Variants in PCLO observed in about 807,000 individuals in gnomAD.
PCLO encodes piccolo presynaptic cytomatrix protein, also known as protein piccolo.
Under a neutral mutation model 427.5 loss-of-function variants are expected in PCLO, and 82 were observed. The observed-to-expected ratio is 0.19, with a 90% CI of 0.16 to 0.23. The LOEUF (loss-of-function observed/expected upper bound fraction) is 0.23, where lower values mean the gene tolerates loss of function less well. Among genes scored for constraint, PCLO ranks in the 10% least tolerant of loss-of-function variants. The pLI, the probability that PCLO is intolerant of heterozygous loss-of-function variation, is 1.00. For missense variants in PCLO, 6,239 were observed against 6,115.9 expected (o/e 1.02, Z -0.67); for synonymous variants, 2,357 against 2,155.4 (o/e 1.09, Z -2.59).
chr7:83,082,250 TATA>T (rs1395695136), intron 3 of PCLO, among the ~76,000 whole-genome samples: 1 of 151,592 alleles, frequency 6.6e-6, no homozygotes, highest in African/African-American at 2.4e-5. Flanking sequence ...ATTTTTGACT[TATA>T]ATACTTATAT....
chr7:83,155,556 G>A lies in PCLO; in HGVS notation c.1085C>T (p.Pro362Leu), dbSNP rs748013490. 9.3e-6 allele frequency: 15 copies of A among 1,613,132 alleles called. No individual in the cohort carries two copies. Among genetic ancestry groups the A allele is most frequent in the Non-Finnish European group, 1.2e-5 (14 of 1,179,510 alleles). Residue 362 changes from proline (P) to leucine (L), a missense_variant, in exon 2 of 25, where the codon CCA becomes CTA. By Grantham distance (98) the Pro-to-Leu change is moderately conservative. Around this residue, in one of 5 missense-constraint regions of PCLO, gnomAD observed 4,677 missense variants for 4,468.4 expected, o/e 1.05. Coordinates refer to ENST00000333891, the MANE Select transcript of PCLO (RefSeq NM_033026.6). ...PVQPPGTTKP[P>L]AQPLGPAKPP... ...CTTAGCAGGACCAAGAGGCTGAGCTGGAGGCTTTGTTGTCCCTGGTGGCTG... is the reference window on the plus strand; with the variant it reads ...CTTAGCAGGACCAAGAGGCTGAGCTAGAGGCTTTGTTGTCCCTGGTGGCTG...
At chr7:82,880,133 A>C (rs183927342) in intron 9 of PCLO, among the ~76,000 whole-genome samples, 1 of 152,244 alleles carries the variant, frequency 6.6e-6, no homozygotes, top group East Asian at 1.9e-4. Flanking sequence ...GATAAATATA[A>C]GTGTTTATAT....
chr7:82,985,857 AGAGAT>A (rs143203796), intron 3 of PCLO, among the ~76,000 whole-genome samples: 4,279 of 152,052 alleles, frequency 0.028, 197 homozygotes, highest in African/African-American at 0.097. Context: ...AATTAAAATT[AGAGAT>A]AATACTGTTG....
intron 20 of PCLO, among the ~76,000 whole-genome samples, chr7:82,815,339 G>T (rs537893964): frequency 6.6e-6 from 1 of 151,944 alleles, no homozygotes; most frequent in East Asian, 1.9e-4. Context: ...ATAATAGTTG[G>T]ATGGAAGCAA....
chr7:82,789,653 C>T (rs139195130), intron 22 of PCLO, among the ~76,000 whole-genome samples: 2,211 of 152,184 alleles, frequency 0.015, 59 homozygotes, highest in African/African-American at 0.05. Context: ...TGCAGTGAGT[C>T]GAGATCGCAC....
intron 2 of PCLO, among the ~76,000 whole-genome samples, chr7:83,140,579 T>C (rs1037624712): frequency 6.6e-6 from 1 of 152,154 alleles, no homozygotes; most frequent in Admixed American, 6.5e-5. Flanking sequence ...TTTGAACTAG[T>C]TTGAATTAAA....
chr7:83,107,744 A>C (rs1474158704), intron 3 of PCLO, among the ~76,000 whole-genome samples: 5 of 94,570 alleles, frequency 5.3e-5, no homozygotes, highest in Non-Finnish European at 1.1e-4. Flanking sequence ...TAATCCCAGC[A>C]CTTTGGGAGG....
At chr7:82,971,622 GAT>G (rs940006523) in intron 3 of PCLO, among the ~76,000 whole-genome samples, 1 of 146,692 alleles carries the variant, frequency 6.8e-6, no homozygotes, top group Non-Finnish European at 1.5e-5. Context: ...ATATCGTATA[GAT>G]ATATATGATA....
Position 82,950,868 on chromosome 7 carries a change from C to G in PCLO, c.9720G>C (p.Gln3240His). 6.2e-7 allele frequency: 1 copy of G among 1,613,540 alleles called. No individual in the cohort carries two copies. The highest frequency in any genetic ancestry group is 8.5e-7 in the Non-Finnish European group (1 of 1,179,856). The change falls in exon 6 of 25, where the codon CAG (glutamine) becomes CAC (histidine). Residue 3240 changes from glutamine (Q) to histidine (H), a missense_variant. Physicochemically the swap from Gln to His is conservative, Grantham distance 24. Around this residue, in one of 5 missense-constraint regions of PCLO, gnomAD observed 4,677 missense variants for 4,468.4 expected, o/e 1.05. Transcript: ENST00000333891. The stretch of plus-strand genomic sequence containing the variant: ...CTTGTTCTCGGAACCTTTGAATTTC[C>G]TGACGTTCCCACTCCAATTCCTCAG... ...RFAEELEWER[Q>H]EIQRFREQEK...
chr7:83,059,933 A>AT (rs748564887), intron 3 of PCLO, among the ~76,000 whole-genome samples: 2 of 152,188 alleles, frequency 1.3e-5, no homozygotes, highest in East Asian at 3.9e-4. Context: ...TGACTGTAGC[A>AT]TTTTTTGAGT....
At position 83,134,829 on chromosome 7, in the gene PCLO, C is replaced by T. The variant is rs372457650; in HGVS notation, c.2721G>A (p.Leu907=). The change falls in exon 3 of 25, where the codon CTG becomes CTA. Residue 907 remains leucine (L), a synonymous_variant. Coordinates refer to ENST00000333891, the MANE Select transcript of PCLO (RefSeq NM_033026.6). ...KPQEQSRRFS[L]NLGSITDAPK... is the part of the protein sequence containing the mutation. ...GGGCATCAGTAATACTTCCCAGATT[C>T]AGACTGAAACGCCTTGACTGCTCCT... 1.2e-6 allele frequency: 2 copies of T among 1,613,088 alleles called. No individual in the cohort carries two copies. The highest frequency in any genetic ancestry group is 1.7e-6 in the Non-Finnish European group (2 of 1,179,422).
At chr7:82,965,010 T>A (rs1795731977) in intron 4 of PCLO, among the ~76,000 whole-genome samples, 1 of 152,182 alleles carries the variant, frequency 6.6e-6, no homozygotes, top group Non-Finnish European at 1.5e-5. Flanking sequence ...AAGTATAATG[T>A]AAGATCTCTT....
intron 9 of PCLO, among the ~76,000 whole-genome samples, chr7:82,884,186 T>C (rs1793577278): frequency 6.6e-6 from 1 of 152,176 alleles, no homozygotes; most frequent in African/African-American, 2.4e-5. Context: ...CTAAATAATA[T>C]TAATATTAAA....
At chr7:83,153,649 T>A (rs1288214198) in intron 2 of PCLO, among the ~76,000 whole-genome samples, 2 of 152,204 alleles carry the variant, frequency 1.3e-5, no homozygotes, top group African/African-American at 4.8e-5. Flanking sequence ...ATGATTTCTG[T>A]GCCTTCTCAT....
At chr7:82,855,815 T>C (rs975456174) in intron 10 of PCLO, among the ~76,000 whole-genome samples, 3 of 151,966 alleles carry the variant, frequency 2.0e-5, no homozygotes, top group African/African-American at 4.8e-5. Flanking sequence ...GATGAAAGAA[T>C]AGGAGGTGCA....
chr7:82,828,284 A>C (rs1792003063), intron 16 of PCLO, among the ~76,000 whole-genome samples: 7 of 152,156 alleles, frequency 4.6e-5, no homozygotes, highest in Admixed American at 4.6e-4. Flanking sequence ...ACTAAATAGT[A>C]ACATCAATGT....
chr7:82,987,112 G>A (rs10266804), intron 3 of PCLO, among the ~76,000 whole-genome samples: 4,308 of 152,026 alleles, frequency 0.028, 210 homozygotes, highest in African/African-American at 0.098. Flanking sequence ...TGTAATTTGT[G>A]TACCTGTTTA....
chr7:82,925,194 C>T (rs1161382879), intron 6 of PCLO, among the ~76,000 whole-genome samples: 1 of 152,074 alleles, frequency 6.6e-6, no homozygotes, highest in Non-Finnish European at 1.5e-5. Flanking sequence ...TAAAAATCAT[C>T]TAAAAAGAGC....
chr7:83,082,778 T>C (rs1450175380), intron 3 of PCLO, among the ~76,000 whole-genome samples: 1 of 151,710 alleles, frequency 6.6e-6, no homozygotes, highest in Non-Finnish European at 1.5e-5. Context: ...GTATAATTAT[T>C]ATGTACTCAT....
Sources: allele counts gnomAD v4.1 joint callset (sites outside exome capture counted in the v4.1 genomes callset), GRCh38; gene constraint gnomAD v4.1.1; regional missense constraint gnomAD v4.1.1; transcripts MANE v1.5; gene names NCBI Gene and HGNC (gene_info 2026-07-23, HGNC 2026-07-21).